Variants in PRKG1 observed in about 807,000 individuals in gnomAD.
The protein encoded by PRKG1 is cGMP-dependent protein kinase 1.
PRKG1 carries 35 observed loss-of-function variants against 88.1 expected under a neutral mutation model. The ratio of observed to expected loss-of-function variants is 0.40; its 90% CI spans 0.30 to 0.53. The LOEUF is 0.53. Among genes scored for constraint, PRKG1 ranks in the 20% least tolerant of loss-of-function variants. The pLI is 0.59. For missense variants in PRKG1, 540 were observed against 839.8 expected (o/e 0.64, Z 4.41); for synonymous variants, 303 against 292.5 (o/e 1.04, Z -0.37).
chr10:51,185,178 C>T (rs1351557254), intron 2 of PRKG1, among the ~76,000 whole-genome samples: 1 of 152,020 alleles, frequency 6.6e-6, no homozygotes, highest in Non-Finnish European at 1.5e-5. Context: ...GTTACTTAAC[C>T]TCTCTTTTAT....
At chr10:51,601,965 C>G (rs1314988762) in intron 3 of PRKG1, among the ~76,000 whole-genome samples, 3 of 151,794 alleles carry the variant, frequency 2.0e-5, no homozygotes, top group Admixed American at 1.3e-4. Flanking sequence ...CAGCTCCCAT[C>G]ATTTGTCACA....
chr10:51,213,579 C>A (rs1446998192), intron 2 of PRKG1, among the ~76,000 whole-genome samples: 1 of 152,178 alleles, frequency 6.6e-6, no homozygotes, highest in South Asian at 2.1e-4. Flanking sequence ...ATTGCCTGGG[C>A]AGATGTTAGA....
intron 2 of PRKG1, among the ~76,000 whole-genome samples, chr10:51,446,244 C>A (rs1442778724): frequency 6.6e-6 from 1 of 151,906 alleles, no homozygotes; most frequent in East Asian, 1.9e-4. Context: ...CAAAGCTTTT[C>A]TTTTCTTTCC....
chr10:51,839,559 T>C (rs1170634345), intron 4 of PRKG1, among the ~76,000 whole-genome samples: 2 of 152,200 alleles, frequency 1.3e-5, no homozygotes, highest in South Asian at 2.1e-4. Flanking sequence ...CACTTATCTT[T>C]TGGGAAGTGT....
rs77272341 is a variant in PRKG1 at position 51,826,191 on chromosome 10, G to C, written c.698+21501G>C. 3.9e-3 allele frequency among the ~76,000 whole-genome samples: 595 copies of C among 152,200 alleles called. 7 individuals are homozygous for C. The highest frequency in any genetic ancestry group is 0.014 in the African/African-American group (563 of 41,544). ...TAGTACATTTAACAGTGTCACTGTG[G>C]ATAAGATAGAACAATTTAGGCTGAA... is the stretch of plus-strand genomic sequence containing the variant. On this transcript the variant is annotated intron_variant, in intron 4 of 17. Coordinates refer to ENST00000373980, the MANE Select transcript of PRKG1 (RefSeq NM_006258.4).
At chr10:51,926,947 T>C (rs920834444) in intron 5 of PRKG1, among the ~76,000 whole-genome samples, 3 of 152,062 alleles carry the variant, frequency 2.0e-5, no homozygotes, top group African/African-American at 7.2e-5. Flanking sequence ...GCCTGGCAAA[T>C]GTTGGATCCC....
chr10:51,272,365 G>C (rs899399221), intron 2 of PRKG1, among the ~76,000 whole-genome samples: 3 of 152,002 alleles, frequency 2.0e-5, no homozygotes, highest in African/African-American at 7.3e-5. Flanking sequence ...GTGGGGTGGG[G>C]GGCTAGGGGA....
intron 3 of PRKG1, among the ~76,000 whole-genome samples, chr10:51,599,386 C>T (rs1416632358): frequency 1.3e-5 from 2 of 152,154 alleles, no homozygotes; most frequent in African/African-American, 4.8e-5. Context: ...ACATAAGAAA[C>T]ACTGTTCTAG....
At chr10:51,898,651 A>T (rs911828376) in intron 4 of PRKG1, among the ~76,000 whole-genome samples, 4 of 152,100 alleles carry the variant, frequency 2.6e-5, no homozygotes, top group African/African-American at 7.2e-5. Flanking sequence ...CCTGGGCAAC[A>T]TGGTGAGACC....
rs10995830 is a variant in PRKG1 at position 51,137,848 on chromosome 10, G to C, written c.312-15316G>C. 1.5e-3 allele frequency among the ~76,000 whole-genome samples: 236 copies of C among 152,290 alleles called. 5 individuals are homozygous for C. The East Asian group carries it at 0.04, about 26-fold the overall frequency. The stretch of plus-strand genomic sequence containing the variant: ...GAAAAGGTCACACCAGTTTGAGTAA[G>C]TGATAACTGAAGCCTGAAATAAAGC... On this transcript the variant is annotated intron_variant, in intron 1 of 17. Transcript: ENST00000373980.
chr10:51,829,177 A>G (rs1036864389), intron 4 of PRKG1, among the ~76,000 whole-genome samples: 1 of 152,248 alleles, frequency 6.6e-6, no homozygotes, highest in East Asian at 1.9e-4. Context: ...ATGCATTACA[A>G]TATGGCAGTT....
chr10:52,121,505 A>T (rs2132612054), intron 7 of PRKG1, among the ~76,000 whole-genome samples: 1 of 152,278 alleles, frequency 6.6e-6, no homozygotes, highest in Non-Finnish European at 1.5e-5. Flanking sequence ...CTCTAATTTT[A>T]CTGTAAGCAG....
At chr10:52,127,827 G>A (rs1564480900) in intron 7 of PRKG1, among the ~76,000 whole-genome samples, 1 of 152,118 alleles carries the variant, frequency 6.6e-6, no homozygotes, top group Non-Finnish European at 1.5e-5. Flanking sequence ...AGTGTTGGAG[G>A]CATAAATCAT....
At chr10:52,147,352 A>G (rs1289334954) in intron 8 of PRKG1, among the ~76,000 whole-genome samples, 4 of 152,140 alleles carry the variant, frequency 2.6e-5, no homozygotes, top group East Asian at 1.9e-4. Context: ...CTAATTTATA[A>G]ATTTTCTCAG....
At chr10:51,879,676 A>G (rs1841388628) in intron 4 of PRKG1, among the ~76,000 whole-genome samples, 1 of 152,194 alleles carries the variant, frequency 6.6e-6, no homozygotes, top group African/African-American at 2.4e-5. Context: ...TCCTATGTGT[A>G]GATTTAGTAT....
intron 3 of PRKG1, among the ~76,000 whole-genome samples, chr10:51,726,920 G>A (rs1236829527): frequency 6.6e-6 from 1 of 151,632 alleles, no homozygotes; most frequent in Non-Finnish European, 1.5e-5. Context: ...GGGACTACAG[G>A]CACCCGCTAC....
intron 2 of PRKG1, among the ~76,000 whole-genome samples, chr10:51,308,878 G>A (rs1185838150): frequency 1.3e-5 from 2 of 152,140 alleles, no homozygotes; most frequent in Admixed American, 1.3e-4. Context: ...TTGGCAAGGA[G>A]CTGAGACCTT....
intron 5 of PRKG1, among the ~76,000 whole-genome samples, chr10:51,966,707 G>T (rs867919443): frequency 9.9e-5 from 15 of 152,242 alleles, no homozygotes; most frequent in African/African-American, 3.6e-4. Flanking sequence ...ACCTATTTGT[G>T]CAAAAGAGTC....
chr10:52,282,771 T>A (rs140068416), intron 14 of PRKG1, among the ~76,000 whole-genome samples: 4 of 152,194 alleles, frequency 2.6e-5, no homozygotes, highest in African/African-American at 9.6e-5. Context: ...AAATAGGCAC[T>A]AGGGACACCA....
Sources: gnomAD v4.1 joint callset for allele counts (sites outside exome capture counted in the v4.1 genomes callset) on GRCh38, gnomAD v4.1.1 for gene constraint, MANE v1.5 for transcripts, NCBI Gene and HGNC (gene_info 2026-07-23, HGNC 2026-07-21) for gene names.